Variants in RGS9 observed in about 807,000 individuals in gnomAD.
The protein encoded by RGS9 is regulator of G-protein signalling 9.
Under a neutral mutation model 102.0 loss-of-function variants are expected in RGS9, and 78 were observed. The ratio of observed to expected loss-of-function variants is 0.76; its 90% CI spans 0.64 to 0.92. The LOEUF is 0.92. Ranked by LOEUF, RGS9 falls within the 40% of genes least tolerant of loss-of-function variation. RGS9 has a pLI of 0.00. For missense variants in RGS9, 833 were observed against 866.1 expected, an observed-to-expected ratio of 0.96 and a Z score of 0.48; for synonymous variants, 353 against 318.6, an observed-to-expected ratio of 1.11 and a Z score of -1.15.
At chr17:65,185,375 C>T (rs956969789) in intron 9 of RGS9, 4 of 152,504 alleles carry the variant, frequency 2.6e-5, no homozygotes, top group African/African-American at 4.8e-5. Context: ...ATCATCAAAG[C>T]AATGCCTCCA....
At chr17:65,195,696 C>T (rs1484155198) in intron 12 of RGS9, among the ~76,000 whole-genome samples, 1 of 152,146 alleles carries the variant, frequency 6.6e-6, no homozygotes, top group African/African-American at 2.4e-5. Context: ...AACAGTATTA[C>T]AATTACTGGG....
chr17:65,200,920 G>C (rs889315109), intron 13 of RGS9, among the ~76,000 whole-genome samples: 1 of 152,186 alleles, frequency 6.6e-6, no homozygotes, highest in Non-Finnish European at 1.5e-5. Context: ...TCCATTGACT[G>C]TTTATGTTAT....
chr17:65,193,738 G>T, intron 12 of RGS9, 82 bp downstream of exon 12: 1 of 803,182 alleles, frequency 1.2e-6, no homozygotes, highest in Non-Finnish European at 2.2e-6. Context: ...CCCCTTCAAA[G>T]CATACAGTTC....
intron 13 of RGS9, among the ~76,000 whole-genome samples, chr17:65,200,885 A>G (rs1912806173): frequency 6.6e-6 from 1 of 152,226 alleles, no homozygotes; most frequent in Admixed American, 6.5e-5. Flanking sequence ...TAAAATATAT[A>G]TGTAGATACA....
chr17:65,202,873 C>T (rs574918825), intron 14 of RGS9, among the ~76,000 whole-genome samples: 47 of 152,320 alleles, frequency 3.1e-4, no homozygotes, highest in African/African-American at 1.1e-3. Flanking sequence ...GTGGTCCCAT[C>T]TCTGTGGGTC....
chr17:65,206,804 T>C (rs1354405356), intron 15 of RGS9, among the ~76,000 whole-genome samples: 1 of 152,222 alleles, frequency 6.6e-6, no homozygotes, highest in African/African-American at 2.4e-5. Context: ...GAATGGCATA[T>C]ATGCCCACTG....
chr17:65,189,345 T>C lies in RGS9; in HGVS notation c.684+30T>C, dbSNP rs1292210588. On this transcript the variant is annotated intron_variant, in intron 10 of 18. Coordinates refer to ENST00000262406, the MANE Select transcript of RGS9 (RefSeq NM_003835.4). The stretch of plus-strand genomic sequence containing the variant: ...TTAGTCTTACACTTCCAGTGAAGAA[T>C]GGTTTTAAATCTTCTAACAGGTTAT... 3.2e-6 allele frequency: 5 copies of C among 1,564,322 alleles called. No homozygotes were observed. The South Asian group carries it at 4.4e-5, about 14-fold the overall frequency.
intron 12 of RGS9, among the ~76,000 whole-genome samples, chr17:65,194,911 C>T (rs1236191860): frequency 6.6e-6 from 1 of 152,208 alleles, no homozygotes; most frequent in Non-Finnish European, 1.5e-5. Flanking sequence ...CCCTGATTCT[C>T]ATCTTAAGCA....
Position 65,160,920 on chromosome 17 carries a change from GC to G in RGS9, c.423+12del. On this transcript the variant is annotated intron_variant, in intron 6 of 18. Coordinates refer to ENST00000262406, the MANE Select transcript of RGS9 (RefSeq NM_003835.4). ...GAAGAATATGAAAAGGTATGGAGGT[GC>G]TTTTAAGTAGAGGTTGTTATAATTG... 1 of 1,606,690 alleles carries G rather than the reference GC, an allele frequency of 6.2e-7. No individual in the cohort carries two copies. The highest frequency in any genetic ancestry group is 8.5e-7 in the Non-Finnish European group (1 of 1,173,180).
In RGS9 at chr17:65,160,579, C is replaced by G; in HGVS notation, c.356C>G (p.Thr119Ser). The G allele has an allele frequency of 6.2e-7, 1 of 1,614,168 alleles. No individual in the cohort carries two copies. Among genetic ancestry groups the G allele is most frequent in the Non-Finnish European group, 8.5e-7 (1 of 1,179,992 alleles). The change falls in exon 5 of 19, where the codon ACC becomes AGC. Residue 119 changes from threonine to serine, a missense_variant. Coordinates refer to ENST00000262406, the MANE Select transcript of RGS9 (RefSeq NM_003835.4). The stretch of plus-strand genomic sequence containing the variant: ...ACCCAGCAGTGGCCAGCTGAAGATA[C>G]CGATTACGGTAAATACTTCAGCCCC... The part of the protein sequence containing the change: ...WPTQQWPAED[T>S]DYAIYLAKRN...
chr17:65,137,651 C>G, intron 1 of RGS9, 54 bp downstream of exon 1: 1 of 1,574,102 alleles, frequency 6.4e-7, no homozygotes, highest in South Asian at 1.1e-5. Context: ...ACCGCATCTG[C>G]GAAGCGTCCG....
chr17:65,204,326 C>T (rs761474230), intron 15 of RGS9, 25 bp downstream of exon 15: 20 of 1,612,708 alleles, frequency 1.2e-5, no homozygotes, highest in East Asian at 2.2e-5. Flanking sequence ...GCTGTGGATA[C>T]GGGGTCCAGA....
At chr17:65,177,448 C>T (rs1309577000) in intron 8 of RGS9, among the ~76,000 whole-genome samples, 1 of 152,140 alleles carries the variant, frequency 6.6e-6, no homozygotes, top group Admixed American at 6.5e-5. Flanking sequence ...AACCACCTGT[C>T]CATTTTTCCA....
chr17:65,165,489 T>C (rs1001504634), intron 7 of RGS9, among the ~76,000 whole-genome samples: 1 of 152,204 alleles, frequency 6.6e-6, no homozygotes, highest in South Asian at 2.1e-4. Flanking sequence ...CATTTTGTTA[T>C]GCTGAGTCCT....
At chr17:65,160,725 G>A in intron 5 of RGS9, 126 bp from the exon 6 acceptor site, 3 of 1,386,200 alleles carry the variant, frequency 2.2e-6, no homozygotes, top group Non-Finnish European at 2.0e-6. Context: ...ATGTCCCCAG[G>A]GGCAAGGGGC....
At chr17:65,202,953 TCA>T (rs1478402986) in intron 14 of RGS9, among the ~76,000 whole-genome samples, 5 of 152,184 alleles carry the variant, frequency 3.3e-5, no homozygotes, top group African/African-American at 1.2e-4. Context: ...TAGTTCATAC[TCA>T]CATGCTTAGC....
intron 5 of RGS9, 86 bp downstream of exon 5, chr17:65,160,673 C>A: frequency 6.7e-7 from 1 of 1,493,212 alleles, no homozygotes; most frequent in Non-Finnish European, 9.3e-7. Flanking sequence ...ATTTGTCTTG[C>A]TGTCATCATG....
chr17:65,199,746 G>A (rs940894261), intron 13 of RGS9, among the ~76,000 whole-genome samples: 12 of 151,798 alleles, frequency 7.9e-5, no homozygotes, highest in Admixed American at 5.9e-4. Flanking sequence ...CACCCGCCTC[G>A]GCCTCCCAAA....
At chr17:65,195,966 T>C (rs982070647) in intron 12 of RGS9, among the ~76,000 whole-genome samples, 1 of 152,240 alleles carries the variant, frequency 6.6e-6, no homozygotes, top group Non-Finnish European at 1.5e-5. Flanking sequence ...AACTCTGAGG[T>C]TGGGACCCAG....
Sources: allele counts gnomAD v4.1 joint callset (sites outside exome capture counted in the v4.1 genomes callset), GRCh38; gene constraint gnomAD v4.1.1; transcripts MANE v1.5; gene names NCBI Gene and HGNC (gene_info 2026-07-23, HGNC 2026-07-21).